Variants in C1orf198 observed in about 807,000 individuals in gnomAD.
C1orf198 encodes the protein uncharacterized protein C1orf198.
A neutral mutation model predicts 31.4 loss-of-function variants in C1orf198; 17 were observed. The ratio of observed to expected loss-of-function variants is 0.54; its 90% CI spans 0.37 to 0.81. C1orf198 has a LOEUF of 0.81. Ranked by LOEUF, C1orf198 falls within the 40% of genes least tolerant of loss-of-function variation. The probability of loss-of-function intolerance (pLI) is 0.00; values close to 1 mark genes in which losing one functional copy is unlikely to be tolerated. For missense variants in C1orf198, 401 were observed against 450.3 expected (o/e 0.89, Z 0.99); for synonymous variants, 175 against 193.8 (o/e 0.90, Z 0.81).
chr1:230,850,479 G>A (rs1669710773), intron 2 of C1orf198, among the ~76,000 whole-genome samples: 2 of 152,322 alleles, frequency 1.3e-5, no homozygotes, highest in African/African-American at 2.4e-5. Flanking sequence ...GTCAGGGGAC[G>A]GAGCAAAACA....
rs546110392 is a variant in C1orf198, at chr1:230,866,936, G to A, written c.333+1244C>T. 5.3e-5 allele frequency among the ~76,000 whole-genome samples: 8 copies of A among 152,288 alleles called. No homozygotes were observed. In the East Asian group the frequency reaches 1.5e-3, roughly 29 times the overall value. ...TTCCTTTTGATTCCATCAGAATAAA[G>A]AAACACTGGCAGCATCCTTCAGTCA... On this transcript the variant is annotated intron_variant, in intron 1 of 3. Transcript: ENST00000366663.
At chr1:230,850,775 G>T (rs1669720486) in intron 2 of C1orf198, among the ~76,000 whole-genome samples, 2 of 152,016 alleles carry the variant, frequency 1.3e-5, no homozygotes, top group Admixed American at 6.5e-5. Flanking sequence ...GCAGCCCCAT[G>T]GTGTCCTGCC....
At chr1:230,862,589 A>G (rs1313825018) in intron 1 of C1orf198, among the ~76,000 whole-genome samples, 1 of 152,252 alleles carries the variant, frequency 6.6e-6, no homozygotes, top group Non-Finnish European at 1.5e-5. Context: ...AATGAGTATC[A>G]CTAAGTGAAA....
chr1:230,862,783 TG>T (rs953445121), intron 1 of C1orf198, among the ~76,000 whole-genome samples: 1 of 152,212 alleles, frequency 6.6e-6, no homozygotes, highest in African/African-American at 2.4e-5. Flanking sequence ...ATTATAGTGA[TG>T]GGTACATGTC....
chr1:230,868,716 GC>G (rs1400247857), upstream of C1orf198: 273 of 196,678 alleles, frequency 1.4e-3, 1 homozygote, highest in East Asian at 0.012. Context: ...CTCCCTCCGG[GC>G]CCCCCCCCGC....
chr1:230,865,110 C>A (rs9431866), intron 1 of C1orf198, among the ~76,000 whole-genome samples: 294 of 152,304 alleles, frequency 1.9e-3, no homozygotes, highest in African/African-American at 6.6e-3. Flanking sequence ...TCTGGGCCTG[C>A]TCCAAGCCAG....
chr1:230,848,656 T>C (rs929242270), intron 2 of C1orf198, among the ~76,000 whole-genome samples: 1 of 152,176 alleles, frequency 6.6e-6, no homozygotes, highest in Admixed American at 6.5e-5. Flanking sequence ...ATGTACCCTA[T>C]CAATATTTCA....
upstream of C1orf198, chr1:230,868,655 C>T: frequency 1.6e-6 from 1 of 613,478 alleles, no homozygotes. Flanking sequence ...GCCAACCCAG[C>T]TCCCCAAGCC....
rs201400477 is a variant in C1orf198, at chr1:230,842,753, TA to T, written c.927+600del. Among the ~76,000 whole-genome samples the T allele has an allele frequency of 3.4e-4, 50 of 144,946 alleles. 1 individual carries two copies. The highest frequency in any genetic ancestry group is 1.8e-3 in the South Asian group (8 of 4,546). ...AATAAAAAATTTAAAAAATAAAAAT[TA>T]AAAAAAAAAAGAGTGACCCACAAGA... On this transcript the variant is annotated intron_variant, in intron 3 of 3. Coordinates refer to ENST00000366663, the MANE Select transcript of C1orf198 (RefSeq NM_032800.3).
At chr1:230,841,860 C>G (rs1025006173) in intron 3 of C1orf198, among the ~76,000 whole-genome samples, 1 of 152,168 alleles carries the variant, frequency 6.6e-6, no homozygotes, top group Non-Finnish European at 1.5e-5. Context: ...TCCTAACAGA[C>G]AACAATAGCC....
intron 1 of C1orf198, among the ~76,000 whole-genome samples, chr1:230,863,091 T>C (rs762684651): frequency 6.6e-6 from 1 of 152,252 alleles, no homozygotes; most frequent in Non-Finnish European, 1.5e-5. Context: ...TACATATTTA[T>C]GGAATCCATG....
At chr1:230,863,277 CA>C (rs1670038490) in intron 1 of C1orf198, among the ~76,000 whole-genome samples, 1 of 152,102 alleles carries the variant, frequency 6.6e-6, no homozygotes, top group Non-Finnish European at 1.5e-5. Context: ...TACAGCAAAA[CA>C]AAAACTCAGC....
rs2102968611 is a variant in C1orf198, at chr1:230,839,201, C to T, written c.*651G>A. On this transcript the variant is annotated 3_prime_UTR_variant, in exon 4 of 4. Coordinates refer to ENST00000366663, the MANE Select transcript of C1orf198 (RefSeq NM_032800.3). ...CATGCAACTCTTTTTAAACAACAATCCATACTCTGAATATGTATCAGAGCA... is the reference window on the plus strand; with the variant it reads ...CATGCAACTCTTTTTAAACAACAATTCATACTCTGAATATGTATCAGAGCA... 1 of 152,426 alleles carries T rather than the reference C, an allele frequency of 6.6e-6. No homozygotes were observed. The highest frequency in any genetic ancestry group is 1.9e-4 in the East Asian group (1 of 5,190). 9.4% of individuals were successfully genotyped at this position (152,426 alleles called of 1,614,324 possible). A position where few individuals can be genotyped will look rare whatever the true frequency, so the allele number is the denominator to read the frequency against.
intron 2 of C1orf198, among the ~76,000 whole-genome samples, chr1:230,855,364 A>G (rs1163023560): frequency 2.6e-5 from 4 of 152,264 alleles, no homozygotes; most frequent in Admixed American, 1.3e-4. Flanking sequence ...AGGGCCCCCA[A>G]GAGGGCTGGC....
chr1:230,857,651 G>A lies in C1orf198; in HGVS notation c.334-1933C>T, dbSNP rs1029006266. Among the ~76,000 whole-genome samples the A allele has an allele frequency of 4.6e-5, 7 of 152,166 alleles. No homozygotes were observed. Among genetic ancestry groups the A allele is most frequent in the Admixed American group, 1.3e-4 (2 of 15,282 alleles). ...TAAAGAGCAAGGAAAACCCAGAGAG[G>A]AGACTGTCAAAAGGCCAGAATCCAG... On this transcript the variant is annotated intron_variant, in intron 1 of 3. Transcript: ENST00000366663. This position sits in a 1 kb window ranked among gnomAD's most constrained non-coding sequence, Gnocchi z 4.2.
At position 230,855,843 on chromosome 1, in the gene C1orf198, C is replaced by A. The variant is rs1233740704; in HGVS notation, c.334-125G>T. On this transcript the variant is annotated intron_variant, in intron 1 of 3. Coordinates refer to ENST00000366663, the MANE Select transcript of C1orf198 (RefSeq NM_032800.3). ...TCCCAACTCCTGGCTCTAAACAAGCCTGATGCTTTGACACTCTCAATATAA... is the reference window on the plus strand; with the variant it reads ...TCCCAACTCCTGGCTCTAAACAAGCATGATGCTTTGACACTCTCAATATAA... 4 of 1,497,656 alleles carry A rather than the reference C, an allele frequency of 2.7e-6. No homozygotes were observed. The East Asian group carries it at 9.3e-5, about 35-fold the overall frequency. The allele number at this position is 1,497,656 out of a possible 1,614,324, so 92.8% of individuals were successfully genotyped here.
chr1:230,859,233 C>A (rs774107718), intron 1 of C1orf198, among the ~76,000 whole-genome samples: 1 of 152,136 alleles, frequency 6.6e-6, no homozygotes, highest in South Asian at 2.1e-4. Context: ...CCCACTCACA[C>A]GCATACAATG....
At chr1:230,856,707 T>A (rs1458814785) in intron 1 of C1orf198, among the ~76,000 whole-genome samples, 2 of 152,154 alleles carry the variant, frequency 1.3e-5, no homozygotes, top group African/African-American at 4.8e-5. Flanking sequence ...ACTGGGAGCA[T>A]ATTTTCAGAA....
At chr1:230,849,867 G>A (rs1409187266) in intron 2 of C1orf198, among the ~76,000 whole-genome samples, 1 of 152,236 alleles carries the variant, frequency 6.6e-6, no homozygotes. Context: ...GGAGGAAGAT[G>A]AGCAGGAGGA....
Sources: allele counts gnomAD v4.1 joint callset (sites outside exome capture counted in the v4.1 genomes callset), GRCh38; gene constraint gnomAD v4.1.1; non-coding constraint Gnocchi (gnomAD v3.1); transcripts MANE v1.5; gene names NCBI Gene and HGNC (gene_info 2026-07-23, HGNC 2026-07-21).